Variants in TAF3 observed in about 807,000 individuals in gnomAD.
The protein encoded by TAF3 is TATA-box binding protein associated factor 3.
TAF3 carries 7 observed loss-of-function variants against 80.6 expected under a neutral mutation model. That is an observed-to-expected ratio of 0.09 (90% CI 0.05 to 0.16). TAF3 has a LOEUF of 0.16. Ranked by LOEUF, TAF3 falls within the 10% of genes least tolerant of loss-of-function variation. The probability of loss-of-function intolerance (pLI) is 1.00; values close to 1 mark genes in which losing one functional copy is unlikely to be tolerated. For missense variants in TAF3, 921 were observed against 1,140.2 expected (o/e 0.81, Z 2.77); for synonymous variants, 444 against 446.1 (o/e 1.00, Z 0.06).
chr10:7,992,638 A>G (rs1189240962), intron 4 of TAF3, among the ~76,000 whole-genome samples: 1 of 148,948 alleles, frequency 6.7e-6, no homozygotes, highest in South Asian at 2.2e-4. Flanking sequence ...TGAAATAATG[A>G]ATGCACATTT....
intron 4 of TAF3, among the ~76,000 whole-genome samples, chr10:7,977,677 C>G (rs1233303862): frequency 1.3e-5 from 2 of 152,204 alleles, no homozygotes; most frequent in Non-Finnish European, 2.9e-5. Context: ...CAATGTTACA[C>G]TTTCCCAAGT....
At chr10:7,953,796 C>A (rs474334) in intron 2 of TAF3, among the ~76,000 whole-genome samples, 2 of 152,240 alleles carry the variant, frequency 1.3e-5, no homozygotes, top group East Asian at 3.9e-4. Context: ...ATGAATTAGT[C>A]CTAGTTAACA....
chr10:7,861,250 A>G (rs1837143759), intron 2 of TAF3, among the ~76,000 whole-genome samples: 1 of 152,126 alleles, frequency 6.6e-6, no homozygotes, highest in Non-Finnish European at 1.5e-5. Flanking sequence ...GGCGTGAGCC[A>G]CCGCATCCGG....
intron 2 of TAF3, among the ~76,000 whole-genome samples, chr10:7,849,106 G>C (rs147245401): frequency 5.1e-4 from 77 of 152,142 alleles, no homozygotes; most frequent in Middle Eastern, 3.4e-3. Context: ...GTTTCCTTAG[G>C]TACCAAGTGC....
At chr10:7,963,800 A>G (rs941146661) in intron 2 of TAF3, 120 bp from the exon 3 acceptor site, 68 of 1,066,210 alleles carry the variant, frequency 6.4e-5, no homozygotes, top group Non-Finnish European at 8.6e-5. Context: ...CTAGAACTTA[A>G]AGTATAATAA....
intron 2 of TAF3, among the ~76,000 whole-genome samples, chr10:7,830,410 C>T (rs952116798): frequency 2.1e-5 from 3 of 142,182 alleles, no homozygotes; most frequent in African/African-American, 7.8e-5. Context: ...CAGCCAAATG[C>T]GTATCCCTAG....
chr10:7,919,851 C>T (rs1477468799), intron 2 of TAF3, among the ~76,000 whole-genome samples: 1 of 152,104 alleles, frequency 6.6e-6, no homozygotes, highest in African/African-American at 2.4e-5. Context: ...TGCTTAATGA[C>T]ATTTTTTCCC....
At chr10:7,960,569 C>T (rs1053823193) in intron 2 of TAF3, among the ~76,000 whole-genome samples, 6 of 152,200 alleles carry the variant, frequency 3.9e-5, no homozygotes, top group South Asian at 2.1e-4. Flanking sequence ...CACGGGGAAT[C>T]GCATGTGCAG....
At chr10:7,988,992 AT>A (rs2131426924) in intron 4 of TAF3, among the ~76,000 whole-genome samples, 1 of 152,148 alleles carries the variant, frequency 6.6e-6, no homozygotes, top group South Asian at 2.1e-4. Context: ...TTTTTTAGTC[AT>A]TTTATAGATT....
intron 4 of TAF3, among the ~76,000 whole-genome samples, chr10:8,005,505 A>G (rs1187474399): frequency 8.5e-5 from 13 of 152,168 alleles, no homozygotes; most frequent in Non-Finnish European, 8.8e-5. Context: ...GGGAATCCTT[A>G]GTGTCGGGAG....
chr10:7,944,923 A>G (rs901443959), intron 2 of TAF3, among the ~76,000 whole-genome samples: 1 of 152,224 alleles, frequency 6.6e-6, no homozygotes, highest in Non-Finnish European at 1.5e-5. Context: ...GGTCATTTAG[A>G]GCACTAGGAT....
chr10:7,885,081 G>T (rs1489351861), intron 2 of TAF3, among the ~76,000 whole-genome samples: 2 of 151,952 alleles, frequency 1.3e-5, no homozygotes, highest in African/African-American at 4.8e-5. Context: ...GTGGGGAATG[G>T]AGTATGGGGA....
chr10:7,964,317 A>G lies in TAF3; in HGVS notation c.807A>G (p.Thr269=). ...TAKPLETKSF[T]PKTKTKTSSP... Reference sequence around the variant, plus strand: ...AACCATTAGAAACAAAGTCATTTACACCTAAAACAAAGACTAAAACTAGCT... The same window carrying G: ...AACCATTAGAAACAAAGTCATTTACGCCTAAAACAAAGACTAAAACTAGCT... Residue 269 remains threonine, a synonymous_variant, in exon 3 of 7, where the codon ACA becomes ACG. Coordinates refer to ENST00000344293, the MANE Select transcript of TAF3 (RefSeq NM_031923.4). This position sits in a 1 kb window ranked among gnomAD's most constrained non-coding sequence, Gnocchi z 4.1. 6.2e-7 allele frequency: 1 copy of G among 1,614,186 alleles called. No homozygotes were observed. Among genetic ancestry groups the G allele is most frequent in the Non-Finnish European group, 8.5e-7 (1 of 1,180,030 alleles).
rs373851676 is a variant in TAF3 at position 8,014,898 on chromosome 10, G to A, written c.*147G>A. The A allele has an allele frequency of 4.5e-5, 30 of 670,892 alleles. No homozygotes were observed. Among genetic ancestry groups the A allele is most frequent in the Middle Eastern group, 8.7e-4 (2 of 2,288 alleles). 41.6% of individuals were successfully genotyped at this position (670,892 alleles called of 1,614,324 possible). Reference sequence around the variant, plus strand: ...AGGAGGACTGAGGCTGGAACACACCGCGCACCTGGATTGTTCACTCCCGAG... The same window carrying A: ...AGGAGGACTGAGGCTGGAACACACCACGCACCTGGATTGTTCACTCCCGAG... On this transcript the variant is annotated 3_prime_UTR_variant, in exon 7 of 7. Transcript: ENST00000344293.
chr10:7,860,243 G>T (rs1422776908), intron 2 of TAF3, among the ~76,000 whole-genome samples: 3 of 150,368 alleles, frequency 2.0e-5, no homozygotes, highest in East Asian at 1.9e-4. Context: ...CTGCACTTCA[G>T]CCTGGGTAGG....
chr10:7,997,466 G>A (rs1831900605), intron 4 of TAF3, among the ~76,000 whole-genome samples: 1 of 152,224 alleles, frequency 6.6e-6, no homozygotes, highest in Non-Finnish European at 1.5e-5. Flanking sequence ...AGGTGAGGAC[G>A]GGCTCTTTAT....
At chr10:7,859,942 T>C (rs2131134362) in intron 2 of TAF3, among the ~76,000 whole-genome samples, 2 of 152,320 alleles carry the variant, frequency 1.3e-5, no homozygotes, top group Middle Eastern at 6.8e-3. Flanking sequence ...ATATGGCTAC[T>C]AATGGCAGTT....
chr10:7,974,159 CACACACACACACAA>C (rs1831648141), intron 3 of TAF3, among the ~76,000 whole-genome samples: 3 of 151,774 alleles, frequency 2.0e-5, no homozygotes, highest in East Asian at 1.9e-4. Flanking sequence ...CACACACACA[CACACACACACACAA>C]ACACACACAC....
intron 2 of TAF3, among the ~76,000 whole-genome samples, chr10:7,867,623 T>C (rs1002953790): frequency 4.6e-5 from 7 of 152,216 alleles, no homozygotes; most frequent in Non-Finnish European, 7.3e-5. Context: ...TCCTGTATGG[T>C]ATTTCAATAT....
Sources: gnomAD v4.1 joint callset for allele counts (sites outside exome capture counted in the v4.1 genomes callset) on GRCh38, gnomAD v4.1.1 for gene constraint, Gnocchi (gnomAD v3.1) non-coding constraint, MANE v1.5 for transcripts, NCBI Gene and HGNC (gene_info 2026-07-23, HGNC 2026-07-21) for gene names.